The following CFAP43 variants were observed in gnomAD, a reference collection of about 807,000 sequenced individuals.
CFAP43 encodes cilia- and flagella-associated protein 43.
CFAP43 carries 155 observed loss-of-function variants against 218.9 expected under a neutral mutation model. The observed-to-expected ratio is 0.71, with a 90% CI of 0.62 to 0.81. The LOEUF (loss-of-function observed/expected upper bound fraction) is 0.81, where lower values mean the gene tolerates loss of function less well. Among genes scored for constraint, CFAP43 ranks in the 30% least tolerant of loss-of-function variants. The pLI, the probability that CFAP43 is intolerant of heterozygous loss-of-function variation, is 0.00. For synonymous variants in CFAP43, 645 were observed against 681.3 expected (o/e 0.95, Z 0.83); for missense variants, 1,778 against 1,954.3 (o/e 0.91, Z 1.70).
chr10:104,229,463 G>C (rs1000389167), intron 2 of CFAP43, among the ~76,000 whole-genome samples: 4 of 148,732 alleles, frequency 2.7e-5, no homozygotes, highest in African/African-American at 1.0e-4. Flanking sequence ...GACCAGCCTG[G>C]CCAACATGGT....
intron 3 of CFAP43, among the ~76,000 whole-genome samples, chr10:104,225,165 TG>T (rs1308453777): frequency 1.1e-4 from 17 of 152,210 alleles, no homozygotes; most frequent in Non-Finnish European, 2.4e-4. Flanking sequence ...AGATGCCATT[TG>T]TTTTTTTTAA....
chr10:104,149,544 G>A (rs1220397557), intron 28 of CFAP43, among the ~76,000 whole-genome samples: 1 of 152,130 alleles, frequency 6.6e-6, no homozygotes, highest in Non-Finnish European at 1.5e-5. Context: ...TGACTGATTG[G>A]CACTTCTCTT....
chr10:104,205,986 CCTT>C lies in CFAP43; in HGVS notation c.937_939del (p.Lys313del). The C allele has an allele frequency of 1.2e-6, 2 of 1,610,228 alleles. No individual in the cohort carries two copies. Among genetic ancestry groups the C allele is most frequent in the Non-Finnish European group, 1.7e-6 (2 of 1,179,200 alleles). On this transcript the variant is annotated inframe_deletion, in exon 7 of 38. Coordinates refer to ENST00000357060, the MANE Select transcript of CFAP43 (RefSeq NM_025145.7). Reference sequence around the variant, plus strand: ...ACAATTCCAGAAGCCAGCACGCCCTCCTTCTGATATACCAAGGTTACTGGACTG... The same window carrying C: ...ACAATTCCAGAAGCCAGCACGCCCTCCTGATATACCAAGGTTACTGGACTG...
intron 34 of CFAP43, among the ~76,000 whole-genome samples, chr10:104,140,159 T>C (rs929111816): frequency 3.3e-5 from 5 of 152,218 alleles, no homozygotes; most frequent in Admixed American, 6.5e-5. Context: ...CTAAAGCTTA[T>C]ACAGAAATAA....
intron 20 of CFAP43, among the ~76,000 whole-genome samples, chr10:104,170,133 G>C (rs1478696247): frequency 2.0e-5 from 3 of 151,714 alleles, no homozygotes; most frequent in African/African-American, 7.3e-5. Flanking sequence ...TGCTAACACT[G>C]TTCTCTCCTG....
rs760439857 is a variant in CFAP43, at chr10:104,142,291, C to T, written c.4261G>A (p.Glu1421Lys). ...AAAGCTTCAAATTACAGGATGAGTT[C>T]ATGGAACACTCTCTCAATCTCCTGT... ...VQQEIERVFHELILLQEEKVR... is the reference protein window; with the variant it reads ...VQQEIERVFHKLILLQEEKVR... Residue 1421 changes from glutamate to lysine, a missense_variant, in exon 33 of 38, where the codon GAA becomes AAA. Physicochemically the swap from Glu to Lys is moderately conservative, Grantham distance 56. This residue lies in a region of CFAP43 where 1,553 missense variants were observed against 1,685.2 expected (regional missense o/e 0.92). Coordinates refer to ENST00000357060, the MANE Select transcript of CFAP43 (RefSeq NM_025145.7). 6.2e-7 allele frequency: 1 copy of T among 1,612,574 alleles called. No homozygotes were observed. Among genetic ancestry groups the T allele is most frequent in the East Asian group, 2.2e-5 (1 of 44,790 alleles).
At chr10:104,169,076 T>C (rs113833446) in intron 20 of CFAP43, among the ~76,000 whole-genome samples, 2,046 of 134,666 alleles carry the variant, frequency 0.015, 41 homozygotes, top group African/African-American at 0.055. Context: ...TTCTCTTCCT[T>C]GAGGACACAC....
At chr10:104,130,380 A>C (rs906462727) in intron 37 of CFAP43, 75 bp from the exon 38 acceptor site, 3 of 1,519,806 alleles carry the variant, frequency 2.0e-6, no homozygotes, top group African/African-American at 2.8e-5. Flanking sequence ...TCAGAATCAT[A>C]CATGTGGAAG....
rs772414525 is a variant in CFAP43, at chr10:104,164,110, A to AC, written c.3229dup (p.Val1077GlyfsTer5). On this transcript the variant is annotated frameshift_variant, in exon 24 of 38. Coordinates refer to ENST00000357060, the MANE Select transcript of CFAP43 (RefSeq NM_025145.7). LOFTEE classifies it high-confidence loss of function. Reference sequence around the variant, plus strand: ...AGCCAGTACCTCCTCATCTTGCACAACAAGCGTTCTCTCTGGCTTCTCACA... The same window carrying AC: ...AGCCAGTACCTCCTCATCTTGCACAACCAAGCGTTCTCTCTGGCTTCTCACA... The AC allele has an allele frequency of 6.2e-7, 1 of 1,614,174 alleles. No individual in the cohort carries two copies. The highest frequency in any genetic ancestry group is 8.5e-7 in the Non-Finnish European group (1 of 1,180,018).
intron 16 of CFAP43, among the ~76,000 whole-genome samples, chr10:104,183,697 C>T (rs1589726546): frequency 1.3e-5 from 2 of 152,150 alleles, no homozygotes; most frequent in African/African-American, 2.4e-5. Flanking sequence ...CCTAGACCAT[C>T]GTTTTAAACC....
chr10:104,211,229 T>C (rs2090852893), intron 5 of CFAP43, among the ~76,000 whole-genome samples: 1 of 152,146 alleles, frequency 6.6e-6, no homozygotes, highest in East Asian at 1.9e-4. Flanking sequence ...CAATATATCA[T>C]TGCAAAATGT....
intron 34 of CFAP43, among the ~76,000 whole-genome samples, chr10:104,136,276 A>AAAAAAAAG (rs1554856620): frequency 7.5e-6 from 1 of 133,988 alleles, no homozygotes; most frequent in Non-Finnish European, 1.6e-5. Flanking sequence ...AAAAAAAAAA[A>AAAAAAAAG]AAGAAGAAAA....
chr10:104,168,915 T>C lies in CFAP43; in HGVS notation c.2587-67A>G, dbSNP rs2089293423. 16 of 1,311,098 alleles carry C rather than the reference T, an allele frequency of 1.2e-5. No homozygotes were observed. The South Asian group carries it at 1.8e-4, about 15-fold the overall frequency. 81.2% of individuals were successfully genotyped at this position (1,311,098 alleles called of 1,614,324 possible). ...GTGGACTCAGAAATAATAATCTCCA[T>C]TGTAAACTCACTAAGTAGCCATTAA... On this transcript the variant is annotated intron_variant, in intron 20 of 37. Coordinates refer to ENST00000357060, the MANE Select transcript of CFAP43 (RefSeq NM_025145.7).
At chr10:104,187,170 A>G (rs1196941790) in intron 14 of CFAP43, 150 bp downstream of exon 14, 1 of 541,886 alleles carries the variant, frequency 1.8e-6, no homozygotes, top group Non-Finnish European at 2.8e-6. Flanking sequence ...AACACTATAT[A>G]TCTAGCTCAA....
At chr10:104,161,858 G>T in intron 26 of CFAP43, 103 bp downstream of exon 26, 1 of 1,021,854 alleles carries the variant, frequency 9.8e-7, no homozygotes, top group Non-Finnish European at 1.5e-6. Context: ...AGTTGTTGCT[G>T]TAGAACTTCT....
chr10:104,214,777 G>C (rs752541863), intron 3 of CFAP43, among the ~76,000 whole-genome samples: 2 of 152,192 alleles, frequency 1.3e-5, no homozygotes, highest in Non-Finnish European at 1.5e-5. Context: ...TACTACATGT[G>C]AGTACTCCAT....
intron 6 of CFAP43, 96 bp from the exon 7 acceptor site, chr10:104,206,126 A>G (rs751487869): frequency 2.3e-5 from 23 of 991,874 alleles, no homozygotes; most frequent in Non-Finnish European, 3.0e-5. Flanking sequence ...TGTAAATCTT[A>G]TAAGTTGTTT....
intron 20 of CFAP43, among the ~76,000 whole-genome samples, chr10:104,169,667 C>T (rs1193253935): frequency 1.3e-5 from 2 of 151,858 alleles, no homozygotes; most frequent in African/African-American, 4.8e-5. Context: ...ACTAATATCT[C>T]GCAGATTTAA....
chr10:104,170,946 A>G (rs976521826), intron 20 of CFAP43, among the ~76,000 whole-genome samples: 8 of 152,118 alleles, frequency 5.3e-5, no homozygotes, highest in Admixed American at 5.2e-4. Flanking sequence ...GAATACTCCA[A>G]GCCATTTCTG....
Sources: allele counts gnomAD v4.1 joint callset (sites outside exome capture counted in the v4.1 genomes callset), GRCh38; gene constraint gnomAD v4.1.1; regional missense constraint gnomAD v4.1.1; transcripts MANE v1.5; gene names NCBI Gene and HGNC (gene_info 2026-07-23, HGNC 2026-07-21).